Variants in SHISA9 observed in about 807,000 individuals in gnomAD.
The protein encoded by SHISA9 is shisa family member 9.
A neutral mutation model predicts 38.0 loss-of-function variants in SHISA9; 13 were observed. The ratio of observed to expected loss-of-function variants is 0.34; its 90% confidence interval spans 0.22 to 0.54. SHISA9 has a LOEUF of 0.54. Ranked by LOEUF, SHISA9 falls within the 20% of genes least tolerant of loss-of-function variation. The pLI is 0.91. For synonymous variants in SHISA9, 275 were observed against 242.0 expected, an observed-to-expected ratio of 1.14 and a Z score of -1.27; for missense variants, 538 against 575.8, an observed-to-expected ratio of 0.93 and a Z score of 0.67.
the SHISA9 span, among the ~76,000 whole-genome samples, chr16:13,287,058 C>G: frequency 6.6e-6 from 1 of 152,092 alleles, no homozygotes; most frequent in African/African-American, 2.4e-5. Flanking sequence ...ACAACAGACA[C>G]CAAACACTAC....
the SHISA9 span, among the ~76,000 whole-genome samples, chr16:13,318,315 A>C: frequency 1.3e-5 from 2 of 150,526 alleles, no homozygotes; most frequent in African/African-American, 2.4e-5. Context: ...AAAACCAAAA[A>C]TACCTCCATT....
chr16:13,290,296 G>T, the SHISA9 span, among the ~76,000 whole-genome samples: 5 of 152,114 alleles, frequency 3.3e-5, no homozygotes, highest in African/African-American at 1.2e-4. Flanking sequence ...TACTATGTTG[G>T]TTTTGGGAAT....
intron 2 of SHISA9, among the ~76,000 whole-genome samples, chr16:13,004,093 G>A (rs1178726330): frequency 1.3e-5 from 2 of 152,176 alleles, no homozygotes; most frequent in Non-Finnish European, 2.9e-5. Context: ...CAGATTCTTT[G>A]CACTCTGCTT....
At chr16:13,520,264 C>A in the SHISA9 span, among the ~76,000 whole-genome samples, 1 of 152,128 alleles carries the variant, frequency 6.6e-6, no homozygotes, top group Admixed American at 6.5e-5. Context: ...AGTACCAAAA[C>A]AAAGCTAGAG....
intron 2 of SHISA9, among the ~76,000 whole-genome samples, chr16:13,141,387 T>C (rs1334783646): frequency 6.6e-6 from 1 of 152,062 alleles, no homozygotes; most frequent in African/African-American, 2.4e-5. Context: ...TTTTTCATTT[T>C]TTATTATTAA....
At chr16:13,149,464 G>T (rs1487721887) in intron 2 of SHISA9, among the ~76,000 whole-genome samples, 5 of 152,158 alleles carry the variant, frequency 3.3e-5, no homozygotes, top group Admixed American at 6.5e-5. Flanking sequence ...CAGGTTGGGG[G>T]TAGTATAGCG....
the SHISA9 span, among the ~76,000 whole-genome samples, chr16:13,462,616 C>T: frequency 9.9e-5 from 15 of 152,046 alleles, no homozygotes; most frequent in Admixed American, 1.3e-4. Flanking sequence ...TTTGAGGTCA[C>T]GAGTTCGAAA....
At chr16:13,216,836 G>A (rs2051173824) in intron 4 of SHISA9, among the ~76,000 whole-genome samples, 1 of 152,196 alleles carries the variant, frequency 6.6e-6, no homozygotes, top group African/African-American at 2.4e-5. Context: ...CATCATGCTA[G>A]TTGGTACGAT....
At chr16:13,013,894 A>T (rs1449776067) in intron 2 of SHISA9, among the ~76,000 whole-genome samples, 3 of 151,846 alleles carry the variant, frequency 2.0e-5, no homozygotes, top group East Asian at 3.9e-4. Context: ...GGCCTGGCTA[A>T]TTTTTTTTGT....
chr16:13,266,906 A>G, the SHISA9 span, among the ~76,000 whole-genome samples: 255 of 152,300 alleles, frequency 1.7e-3, no homozygotes, highest in African/African-American at 5.8e-3. Context: ...ATTCATGTTG[A>G]TTCTTGCATC....
the SHISA9 span, among the ~76,000 whole-genome samples, chr16:13,320,600 G>C: frequency 1.2e-3 from 187 of 152,326 alleles, no homozygotes; most frequent in African/African-American, 3.9e-3. Flanking sequence ...CTCCTGTAGA[G>C]ATAGTAGGGT....
chr16:13,036,883 A>C (rs2073073557), intron 2 of SHISA9, among the ~76,000 whole-genome samples: 1 of 152,156 alleles, frequency 6.6e-6, no homozygotes, highest in South Asian at 2.1e-4. Context: ...AAAACCCTTT[A>C]ATAAATGCCT....
chr16:12,927,499 C>A (rs1201595965), intron 2 of SHISA9, among the ~76,000 whole-genome samples: 1 of 151,948 alleles, frequency 6.6e-6, no homozygotes, highest in Non-Finnish European at 1.5e-5. Flanking sequence ...CCTGGGTTCA[C>A]GTGATCTGCC....
At chr16:13,341,405 C>T in the SHISA9 span, among the ~76,000 whole-genome samples, 1 of 152,022 alleles carries the variant, frequency 6.6e-6, no homozygotes, top group Non-Finnish European at 1.5e-5. Context: ...TCCCTGCAAC[C>T]CAATAAAACC....
chr16:13,080,442 C>T (rs1257668503), intron 2 of SHISA9, among the ~76,000 whole-genome samples: 3 of 152,322 alleles, frequency 2.0e-5, no homozygotes, highest in Non-Finnish European at 2.9e-5. Context: ...AGCCTAGTTT[C>T]ATTTAAGATG....
At chr16:12,911,396 TG>T (rs1417037249) in intron 1 of SHISA9, 7 of 985,272 alleles carry the variant, frequency 7.1e-6, no homozygotes, top group East Asian at 1.1e-4. Context: ...GTCTATAAAA[TG>T]TTTTTTTGTA....
At chr16:13,246,886 C>A in the SHISA9 span, among the ~76,000 whole-genome samples, 5 of 151,918 alleles carry the variant, frequency 3.3e-5, no homozygotes, top group African/African-American at 1.2e-4. Context: ...TTGCCATCAT[C>A]ATCATTATCA....
At chr16:13,345,264 T>C in the SHISA9 span, among the ~76,000 whole-genome samples, 8 of 152,096 alleles carry the variant, frequency 5.3e-5, no homozygotes, top group African/African-American at 1.9e-4. Flanking sequence ...CCTCCCATCC[T>C]CCACCTCTGA....
At chr16:13,483,680 G>A in the SHISA9 span, among the ~76,000 whole-genome samples, 303 of 152,040 alleles carry the variant, frequency 2.0e-3, 3 homozygotes, top group African/African-American at 7.2e-3. Context: ...CCCATCCCCA[G>A]AGAGAGTCCT....
Sources: allele counts gnomAD v4.1 joint callset (sites outside exome capture counted in the v4.1 genomes callset), GRCh38; gene constraint gnomAD v4.1.1; transcripts MANE v1.5; gene names NCBI Gene and HGNC (gene_info 2026-07-23, HGNC 2026-07-21).